Variants in AFF3 observed in about 807,000 individuals in gnomAD.
The protein encoded by AFF3 is ALF transcription elongation factor 3.
Under a neutral mutation model 129.7 loss-of-function variants are expected in AFF3, and 32 were observed. The ratio of observed to expected loss-of-function variants is 0.25; its 90% CI spans 0.19 to 0.33. The LOEUF is 0.33. Ranked by LOEUF, AFF3 falls within the 10% of genes least tolerant of loss-of-function variation. The pLI, the probability that AFF3 is intolerant of heterozygous loss-of-function variation, is 1.00. For synonymous variants in AFF3, 644 were observed against 635.4 expected, an observed-to-expected ratio of 1.01 and a Z score of -0.20; for missense variants, 1,373 against 1,592.0, an observed-to-expected ratio of 0.86 and a Z score of 2.34.
intron 7 of AFF3, among the ~76,000 whole-genome samples, chr2:99,881,842 G>T (rs1237957026): frequency 9.9e-5 from 15 of 152,166 alleles, no homozygotes; most frequent in Admixed American, 9.8e-4. Context: ...CAAATTAGTT[G>T]CAATTTCTTG....
chr2:99,964,996 A>G (rs72953793), intron 7 of AFF3, among the ~76,000 whole-genome samples: 1,778 of 152,306 alleles, frequency 0.012, 29 homozygotes, highest in African/African-American at 0.04. Context: ...TCAGCCATCA[A>G]TGTTTAAGCA....
At chr2:99,600,812 G>A (rs1249172988) in intron 14 of AFF3, among the ~76,000 whole-genome samples, 1 of 151,926 alleles carries the variant, frequency 6.6e-6, no homozygotes, top group East Asian at 1.9e-4. Context: ...GTTTTTATTG[G>A]TACCTTCTAA....
At chr2:100,130,980 A>G (rs777048984) in intron 1 of AFF3, among the ~76,000 whole-genome samples, 3 of 152,188 alleles carry the variant, frequency 2.0e-5, no homozygotes, top group Non-Finnish European at 4.4e-5. Context: ...GACTCATAAA[A>G]TTAATGGTCA....
chr2:99,912,432 C>T (rs1695164321), intron 7 of AFF3, among the ~76,000 whole-genome samples: 1 of 152,152 alleles, frequency 6.6e-6, no homozygotes, highest in Admixed American at 6.5e-5. Flanking sequence ...AACATGTCCT[C>T]AAATTTACAA....
At chr2:99,905,234 C>T (rs1694627871) in intron 7 of AFF3, among the ~76,000 whole-genome samples, 2 of 152,212 alleles carry the variant, frequency 1.3e-5, no homozygotes, top group East Asian at 1.9e-4. Flanking sequence ...CTCCGTGGAG[C>T]CCACGTCTTC....
intron 20 of AFF3, 59 bp from the exon 21 acceptor site, chr2:99,560,495 A>C: frequency 1.3e-6 from 2 of 1,508,164 alleles, no homozygotes; most frequent in Non-Finnish European, 1.8e-6. Context: ...AGAAATAGTA[A>C]AACTAGCTTT....
Position 99,601,637 on chromosome 2 carries a change from GC to G in AFF3, c.1185-17del. ...GACCACGGCGCTGCCAGCCCGCGAG[GC>G]CCCCGGGAAGCAGAGGGAAGGAAAG... On this transcript the variant is annotated splice_polypyrimidine_tract_variant and intron_variant, in intron 13 of 24. Coordinates refer to ENST00000672756, the MANE Select transcript of AFF3 (RefSeq NM_001386135.1). The G allele has an allele frequency of 1.3e-6, 2 of 1,585,336 alleles. No homozygotes were observed. The highest frequency in any genetic ancestry group is 1.1e-5 in the South Asian group (1 of 88,740).
At position 100,141,907 on chromosome 2, in the gene AFF3, C is replaced by T. The variant is rs558481955; in HGVS notation, c.-228+577G>A. Among the ~76,000 whole-genome samples the T allele has an allele frequency of 1.9e-4, 29 of 152,020 alleles. No individual in the cohort carries two copies. The East Asian group carries it at 5.6e-3, about 30-fold the overall frequency. On this transcript the variant is annotated intron_variant, in intron 1 of 24. Coordinates refer to ENST00000672756, the MANE Select transcript of AFF3 (RefSeq NM_001386135.1). ...ATACACACATATACAATGTTCCATCCAAGAAATACAAATATAGTGCTGTTA... is the reference window on the plus strand; with the variant it reads ...ATACACACATATACAATGTTCCATCTAAGAAATACAAATATAGTGCTGTTA...
chr2:100,104,787 C>T (rs1691116368), intron 3 of AFF3: 1 of 819,296 alleles, frequency 1.2e-6, no homozygotes, highest in Non-Finnish European at 1.4e-6. Context: ...GGCGGCCCGG[C>T]CCGCTGCTGC....
At chr2:99,623,444 C>T (rs758106719) in intron 13 of AFF3, among the ~76,000 whole-genome samples, 20 of 152,166 alleles carry the variant, frequency 1.3e-4, no homozygotes, top group Non-Finnish European at 2.5e-4. Flanking sequence ...TAGGATCCCA[C>T]GGGTATCTGG....
Position 100,080,720 on chromosome 2 carries a change from C to T in AFF3, c.53+23682G>A, listed in dbSNP as rs1185849543. On this transcript the variant is annotated intron_variant, in intron 4 of 24. Coordinates refer to ENST00000672756, the MANE Select transcript of AFF3 (RefSeq NM_001386135.1). ...ATGATCTGTATGTTGCCCCCACCCC[C>T]GGCCAGGATGCAGCCAAAGGACCTG... is the stretch of plus-strand genomic sequence containing the variant. 3.3e-5 allele frequency among the ~76,000 whole-genome samples: 5 copies of T among 152,292 alleles called. No homozygotes were observed. The South Asian group carries it at 6.2e-4, about 19-fold the overall frequency.
intron 12 of AFF3, among the ~76,000 whole-genome samples, chr2:99,660,752 G>A (rs1306019799): frequency 6.6e-6 from 1 of 152,166 alleles, no homozygotes; most frequent in Non-Finnish European, 1.5e-5. Context: ...ATATCTGGGG[G>A]CCTAACATTC....
chr2:99,552,125 C>G (rs1318065002), intron 24 of AFF3, among the ~76,000 whole-genome samples: 1 of 152,192 alleles, frequency 6.6e-6, no homozygotes, highest in Non-Finnish European at 1.5e-5. Flanking sequence ...GTGGCTCACA[C>G]CTGGAATTCC....
chr2:99,663,789 T>C (rs1686445715), intron 12 of AFF3, among the ~76,000 whole-genome samples: 1 of 152,200 alleles, frequency 6.6e-6, no homozygotes, highest in African/African-American at 2.4e-5. Context: ...TCAATTTAGA[T>C]CCCTGGTCCC....
At chr2:99,769,289 T>C (rs1440450409) in intron 8 of AFF3, among the ~76,000 whole-genome samples, 3 of 152,236 alleles carry the variant, frequency 2.0e-5, no homozygotes, top group Non-Finnish European at 4.4e-5. Context: ...GAGACTCTGA[T>C]GCATTCTTCA....
chr2:100,056,835 C>T (rs1439582106), intron 4 of AFF3, among the ~76,000 whole-genome samples: 2 of 152,152 alleles, frequency 1.3e-5, no homozygotes, highest in Non-Finnish European at 2.9e-5. Flanking sequence ...TGGTTCACCT[C>T]AGGCACTCTG....
chr2:100,124,223 G>C (rs1223760757), intron 2 of AFF3, among the ~76,000 whole-genome samples: 1 of 152,102 alleles, frequency 6.6e-6, no homozygotes, highest in Non-Finnish European at 1.5e-5. Flanking sequence ...CAAGGCTGGA[G>C]TTGAAAAAAA....
At chr2:99,979,593 T>C (rs933934363) in intron 7 of AFF3, among the ~76,000 whole-genome samples, 1 of 152,018 alleles carries the variant, frequency 6.6e-6, no homozygotes, top group Non-Finnish European at 1.5e-5. Context: ...ATCCTCCTGT[T>C]TCAGCCTTCT....
chr2:99,884,976 A>G (rs1302585951), intron 7 of AFF3, among the ~76,000 whole-genome samples: 1 of 152,138 alleles, frequency 6.6e-6, no homozygotes, highest in Non-Finnish European at 1.5e-5. Context: ...ATAGCTTGCC[A>G]ACTGCCCACC....
Sources: gnomAD v4.1 joint callset for allele counts (sites outside exome capture counted in the v4.1 genomes callset) on GRCh38, gnomAD v4.1.1 for gene constraint, MANE v1.5 for transcripts, NCBI Gene and HGNC (gene_info 2026-07-23, HGNC 2026-07-21) for gene names.